The following DAW1 variants were observed in gnomAD, a reference collection of about 807,000 sequenced individuals.
DAW1 encodes the protein dynein assembly factor with WD repeat domains 1.
In DAW1, 47 loss-of-function variants were observed where a neutral mutation model predicts 56.5. The ratio of observed to expected loss-of-function variants is 0.83; its 90% CI spans 0.66 to 1.06. The LOEUF (loss-of-function observed/expected upper bound fraction) is 1.06. Among genes scored for constraint, DAW1 ranks in the 50% least tolerant of loss-of-function variants. The pLI, the probability that DAW1 is intolerant of heterozygous loss-of-function variation, is 0.00. For synonymous variants in DAW1, 190 were observed against 179.0 expected, an observed-to-expected ratio of 1.06 and a Z score of -0.49; for missense variants, 505 against 499.3, an observed-to-expected ratio of 1.01 and a Z score of -0.11.
At chr2:227,913,466 C>T (rs1046027341) in intron 10 of DAW1, among the ~76,000 whole-genome samples, 2 of 152,084 alleles carry the variant, frequency 1.3e-5, no homozygotes, top group Non-Finnish European at 2.9e-5. Context: ...ACATATGATG[C>T]CTGATATTTA....
At chr2:227,893,320 A>T (rs2106196575) in intron 4 of DAW1, among the ~76,000 whole-genome samples, 1 of 151,734 alleles carries the variant, frequency 6.6e-6, no homozygotes, top group East Asian at 2.0e-4. Flanking sequence ...ATCCCAATTT[A>T]GACATTGTTC....
intron 1 of DAW1, among the ~76,000 whole-genome samples, chr2:227,881,839 A>C: frequency 7.6e-6 from 1 of 130,954 alleles, no homozygotes; most frequent in Admixed American, 9.5e-5. Flanking sequence ...TGGAACCTCC[A>C]CCTCCTGGGT....
chr2:227,896,129 A>G (rs1691401883), intron 5 of DAW1, among the ~76,000 whole-genome samples: 1 of 152,226 alleles, frequency 6.6e-6, no homozygotes, highest in African/African-American at 2.4e-5. Flanking sequence ...AAGCGTTCCA[A>G]TTAAGTTTTA....
rs1473977483 is a variant in DAW1 at position 227,891,236 on chromosome 2, GTGT to G, written c.259-17_259-15del. 1 of 1,606,514 alleles carries G rather than the reference GTGT, an allele frequency of 6.2e-7. No homozygotes were observed. Among genetic ancestry groups the G allele is most frequent in the East Asian group, 2.2e-5 (1 of 44,722 alleles). ...TAATTTGGTTTGAGTCTAAAAAATG[GTGT>G]TTTCTTTCACTGAAGGTTCTCAAAG... On this transcript the variant is annotated splice_polypyrimidine_tract_variant and intron_variant, in intron 3 of 12. Coordinates refer to ENST00000309931, the MANE Select transcript of DAW1 (RefSeq NM_178821.3).
chr2:227,885,996 C>T (rs1379872951), intron 2 of DAW1, among the ~76,000 whole-genome samples: 17 of 118,322 alleles, frequency 1.4e-4, no homozygotes, highest in African/African-American at 5.2e-4. Flanking sequence ...TTTTTTGAGA[C>T]AGAGTTTCAC....
At chr2:227,892,100 C>G (rs2106195497) in intron 4 of DAW1, among the ~76,000 whole-genome samples, 1 of 152,164 alleles carries the variant, frequency 6.6e-6, no homozygotes, top group Non-Finnish European at 1.5e-5. Context: ...GAACTAGGGC[C>G]CACCCTACTG....
intron 10 of DAW1, chr2:227,912,593 G>T (rs756033717): frequency 3.6e-5 from 42 of 1,179,386 alleles, no homozygotes; most frequent in Non-Finnish European, 5.4e-6. Context: ...TCATCTCAGT[G>T]ATGACCGCCT....
In DAW1 at chr2:227,898,269, T is replaced by G; in HGVS notation, c.528T>G (p.His176Gln). The change falls in exon 6 of 13, where the codon CAT (histidine) becomes CAG (glutamine). Residue 176 changes from histidine to glutamine, a missense_variant. Physicochemically the swap from His to Gln is conservative, Grantham distance 24. Transcript: ENST00000309931. ...AATGTTACCATACCTTCAGGGGTCA[T>G]ACAGCAGAAATAGTGAGTATATTTA... ...TGKCYHTFRG[H>Q]TAEIVCLSFN... 1 of 1,536,692 alleles carries G rather than the reference T, an allele frequency of 6.5e-7. No individual in the cohort carries two copies. The highest frequency in any genetic ancestry group is 1.7e-5 in the Admixed American group (1 of 57,438).
chr2:227,923,444 T>A (rs971989457), intron 12 of DAW1, among the ~76,000 whole-genome samples: 2 of 152,206 alleles, frequency 1.3e-5, no homozygotes, highest in African/African-American at 4.8e-5. Context: ...ATATTGATGT[T>A]ATGTGCCTGG....
At chr2:227,881,820 T>G (rs1691018553) in intron 1 of DAW1, among the ~76,000 whole-genome samples, 1 of 148,414 alleles carries the variant, frequency 6.7e-6, no homozygotes. Context: ...TGGTGCAATC[T>G]TGTCTCACTG....
At chr2:227,881,401 G>A (rs1434281559) in intron 1 of DAW1, among the ~76,000 whole-genome samples, 3 of 152,194 alleles carry the variant, frequency 2.0e-5, no homozygotes, top group African/African-American at 7.2e-5. Flanking sequence ...GACTTGCCCT[G>A]AGAAGGGTCT....
intron 10 of DAW1, among the ~76,000 whole-genome samples, chr2:227,911,158 T>A (rs1691804575): frequency 6.7e-6 from 1 of 149,454 alleles, no homozygotes; most frequent in Non-Finnish European, 1.5e-5. Flanking sequence ...CTTGCATATA[T>A]TTAAGAATCA....
chr2:227,892,894 G>A (rs1055101029), intron 4 of DAW1, among the ~76,000 whole-genome samples: 9 of 152,206 alleles, frequency 5.9e-5, no homozygotes, highest in Admixed American at 3.9e-4. Flanking sequence ...GAATGATTAA[G>A]ATGCTGCTAT....
chr2:227,912,617 T>G (rs1207260431), intron 10 of DAW1: 3 of 1,145,770 alleles, frequency 2.6e-6, no homozygotes, highest in Non-Finnish European at 3.3e-6. Flanking sequence ...CTGCTTCATT[T>G]GTATTCTTCA....
intron 10 of DAW1, among the ~76,000 whole-genome samples, chr2:227,917,701 A>G (rs1349118904): frequency 6.8e-6 from 1 of 147,548 alleles, no homozygotes; most frequent in Admixed American, 6.8e-5. Flanking sequence ...ATTCTCTTTC[A>G]TGTTATTGAC....
At chr2:227,914,323 A>C (rs1691901092) in intron 10 of DAW1, among the ~76,000 whole-genome samples, 1 of 152,086 alleles carries the variant, frequency 6.6e-6, no homozygotes, top group Admixed American at 6.5e-5. Flanking sequence ...CTGGTGCTAT[A>C]ATACTATATG....
At chr2:227,875,158 T>C (rs1276422428) in intron 1 of DAW1, among the ~76,000 whole-genome samples, 1 of 152,164 alleles carries the variant, frequency 6.6e-6, no homozygotes, top group Non-Finnish European at 1.5e-5. Context: ...CATTTTGGAC[T>C]CTTCCTTGTC....
intron 7 of DAW1, 127 bp downstream of exon 7, chr2:227,903,236 C>G (rs1691590397): frequency 5.4e-6 from 5 of 934,174 alleles, no homozygotes; most frequent in Non-Finnish European, 8.1e-6. Context: ...GAAAGAGTGT[C>G]CCTACTGGTT....
chr2:227,902,177 T>C (rs1691561728), intron 6 of DAW1, among the ~76,000 whole-genome samples: 2 of 152,104 alleles, frequency 1.3e-5, no homozygotes, highest in Non-Finnish European at 2.9e-5. Flanking sequence ...GAAAGAGCAA[T>C]ACTAGTAACT....
Sources: allele counts gnomAD v4.1 joint callset (sites outside exome capture counted in the v4.1 genomes callset), GRCh38; gene constraint gnomAD v4.1.1; transcripts MANE v1.5; gene names NCBI Gene and HGNC (gene_info 2026-07-23, HGNC 2026-07-21).